Variants in SLC22A17 observed in about 807,000 individuals in gnomAD.
SLC22A17 encodes the protein 24p3 receptor.
Under a neutral mutation model 53.6 loss-of-function variants are expected in SLC22A17, and 38 were observed. The observed-to-expected ratio is 0.71, with a 90% CI of 0.55 to 0.93. The LOEUF (loss-of-function observed/expected upper bound fraction) is 0.93. Among genes scored for constraint, SLC22A17 ranks in the 40% least tolerant of loss-of-function variants. The probability of loss-of-function intolerance (pLI) is 0.00; values close to 1 mark genes in which losing one functional copy is unlikely to be tolerated. For synonymous variants in SLC22A17, 379 were observed against 353.0 expected (o/e 1.07, Z -0.82); for missense variants, 704 against 791.0 (o/e 0.89, Z 1.32).
chr14:23,351,751 C>A lies in SLC22A17; in HGVS notation c.704+1G>T. 1.2e-6 allele frequency: 2 copies of A among 1,612,380 alleles called. No homozygotes were observed. Among genetic ancestry groups the A allele is most frequent in the Non-Finnish European group, 1.7e-6 (2 of 1,179,370 alleles). ...AGCCCTGCCCCCACGACAGCCCTCA[C>A]CTGTCTGCGGGGTAACCCAGGAACA... On this transcript the variant is annotated splice_donor_variant, in intron 3 of 9. Coordinates refer to ENST00000397267, the Ensembl canonical transcript of SLC22A17. LOFTEE classifies it high-confidence loss of function.
chr14:23,347,457 C>T lies in SLC22A17; in HGVS notation c.1549+3G>A. The stretch of plus-strand genomic sequence containing the variant: ...AAGAAATGGCTGTGCCTGTCTGAAG[C>T]ACCTCTGTTGGGGTTCCCTTGTTGA... On this transcript the variant is annotated splice_donor_region_variant and intron_variant, in intron 8 of 9. Transcript: ENST00000397267. This position sits in a 1 kb window ranked among gnomAD's most constrained non-coding sequence, Gnocchi z 5.1. 1 of 1,612,344 alleles carries T rather than the reference C, an allele frequency of 6.2e-7. No homozygotes were observed. Among genetic ancestry groups the T allele is most frequent in the African/African-American group, 1.3e-5 (1 of 74,978 alleles).
rs1017856018 is a variant in SLC22A17, at chr14:23,348,895, G to A, written c.860-224C>T. 13 of 604,704 alleles carry A rather than the reference G, an allele frequency of 2.1e-5. No individual in the cohort carries two copies. Among genetic ancestry groups the A allele is most frequent in the South Asian group, 1.0e-4 (5 of 48,338 alleles). The allele number at this position is 604,704 out of a possible 1,614,324, so 37.5% of individuals were successfully genotyped here. The stretch of plus-strand genomic sequence containing the variant: ...AACCTAGGAGGGCTCTAGGGCCAGA[G>A]TCCTGGGTGAGTGTTCAACATTTCC... On this transcript the variant is annotated intron_variant, in intron 4 of 9. Coordinates refer to ENST00000397267, the Ensembl canonical transcript of SLC22A17. This position sits in a 1 kb window ranked among gnomAD's most constrained non-coding sequence, Gnocchi z 4.5.
exon 4 of SLC22A17, chr14:23,349,414 G>T (rs17090811): frequency 2.1e-5 from 34 of 1,612,278 alleles, no homozygotes; most frequent in Non-Finnish European, 2.9e-5. Context: ...GCACAATCCC[G>T]CGACGGCCAA....
At chr14:23,349,187 C>T in intron 4 of SLC22A17, 85 bp downstream of exon 4, 1 of 1,558,554 alleles carries the variant, frequency 6.4e-7, no homozygotes, top group Admixed American at 1.7e-5. Context: ...TGAAATGTGG[C>T]CTAGGGGGCA....
chr14:23,352,176 C>A lies in SLC22A17; in HGVS notation c.372G>T (p.Leu124=). Residue 124 remains leucine, a synonymous_variant, in exon 2 of 10, where the codon CTG becomes CTT. Coordinates refer to ENST00000397267, the Ensembl canonical transcript of SLC22A17. The surrounding 1 kb of genome is among the most constrained non-coding windows in gnomAD (Gnocchi z 7.2). Reference sequence around the variant, plus strand: ...GGGGGAAGGCCCCGTAGTGGCAATGCAGCGGGGGCGCCAGCGTGAAGATGG... The same window carrying A: ...GGGGGAAGGCCCCGTAGTGGCAATGAAGCGGGGGCGCCAGCGTGAAGATGG... The A allele has an allele frequency of 6.6e-7, 1 of 1,523,682 alleles. No homozygotes were observed. The highest frequency in any genetic ancestry group is 8.8e-7 in the Non-Finnish European group (1 of 1,139,976). The allele number at this position is 1,523,682 out of a possible 1,614,324, so 94.4% of individuals were successfully genotyped here.
intron 3 of SLC22A17, chr14:23,349,877 G>A (rs1237411301): frequency 5.7e-6 from 1 of 176,898 alleles, no homozygotes; most frequent in Non-Finnish European, 1.2e-5. Flanking sequence ...GTGGAGGGGA[G>A]GCCATTGGCC....
exon 10 of SLC22A17, chr14:23,346,419 G>C: frequency 2.0e-6 from 1 of 509,534 alleles, no homozygotes; most frequent in Non-Finnish European, 3.4e-6. Context: ...CCCAGACCCA[G>C]TGGTTACAGT....
chr14:23,349,739 G>C (rs1475892820), intron 3 of SLC22A17: 5 of 407,366 alleles, frequency 1.2e-5, no homozygotes, highest in African/African-American at 2.0e-5. Context: ...TTGCTTAGGG[G>C]ATTTGGGACC....
At chr14:23,350,619 T>C (rs1364439322) in intron 3 of SLC22A17, among the ~76,000 whole-genome samples, 1 of 152,180 alleles carries the variant, frequency 6.6e-6, no homozygotes, top group East Asian at 1.9e-4. Context: ...GGGGCACCAA[T>C]CCCTGGGAGT....
rs996121282 is a variant in SLC22A17 at position 23,352,049 on chromosome 14, C to G, written c.499G>C (p.Asp167His). The G allele has an allele frequency of 1.9e-6, 3 of 1,607,008 alleles. No individual in the cohort carries two copies. Among genetic ancestry groups the G allele is most frequent in the Non-Finnish European group, 2.5e-6 (3 of 1,177,102 alleles). ...GGGGCGAAGCCGCTGCACGAGGGGT[C>G]GGTACTGGTGGCGACACGGCTGGCG... Residue 167 changes from aspartate (D) to histidine (H), a missense_variant, in exon 2 of 10, where the codon GAC becomes CAC. Asp to His is a moderately conservative substitution (Grantham distance 81, BLOSUM62 -1). Around this residue, in one of 4 missense-constraint regions of SLC22A17, gnomAD observed 435 missense variants for 529.0 expected, o/e 0.82. Coordinates refer to ENST00000397267, the Ensembl canonical transcript of SLC22A17. This position sits in a 1 kb window ranked among gnomAD's most constrained non-coding sequence, Gnocchi z 7.2.
exon 10 of SLC22A17, chr14:23,346,648 T>A: frequency 6.7e-7 from 1 of 1,485,326 alleles, no homozygotes; most frequent in Non-Finnish European, 8.9e-7. Flanking sequence ...CAGAGGCCGC[T>A]CAGAGGGCAG....
exon 4 of SLC22A17, chr14:23,349,290 G>A: frequency 6.2e-7 from 1 of 1,614,032 alleles, no homozygotes; most frequent in Non-Finnish European, 8.5e-7. Flanking sequence ...TAGACACCCA[G>A]GTCAACACCG....
chr14:23,347,986 A>G lies in SLC22A17; in HGVS notation c.1182T>C (p.Asn394=). Residue 394 remains asparagine (N), a synonymous_variant, in exon 7 of 10, where the codon AAT becomes AAC. Coordinates refer to ENST00000397267, the Ensembl canonical transcript of SLC22A17. The surrounding 1 kb of genome is among the most constrained non-coding windows in gnomAD (Gnocchi z 5.1). Reference sequence around the variant, plus strand: ...AGGATGTTGCAGGGAGAGGGCAGGTATTCTCCAGGTCTTTGGGAGAGAGAG... The same window carrying G: ...AGGATGTTGCAGGGAGAGGGCAGGTGTTCTCCAGGTCTTTGGGAGAGAGAG... 6.2e-7 allele frequency: 1 copy of G among 1,614,058 alleles called. No homozygotes were observed. The highest frequency in any genetic ancestry group is 8.5e-7 in the Non-Finnish European group (1 of 1,179,936).
rs906227190 is a variant in SLC22A17, at chr14:23,352,317, G to A, written c.231C>T (p.Pro77=). Residue 77 remains proline (P), a synonymous_variant, in exon 2 of 10, where the codon CCC becomes CCT. Coordinates refer to ENST00000397267, the Ensembl canonical transcript of SLC22A17. The surrounding 1 kb of genome is among the most constrained non-coding windows in gnomAD (Gnocchi z 7.2). ...GGGCGAGCAGCGCCTCAAAGCTGAG[G>A]GGGCCTGGGGGCACGGCCAGCGACA... 16 of 1,296,156 alleles carry A rather than the reference G, an allele frequency of 1.2e-5. No homozygotes were observed. Among genetic ancestry groups the A allele is most frequent in the Non-Finnish European group, 1.6e-5 (16 of 995,806 alleles). The allele number at this position is 1,296,156 out of a possible 1,614,324, so 80.3% of individuals were successfully genotyped here. A position where few individuals can be genotyped will look rare whatever the true frequency, so the allele number is the denominator to read the frequency against.
In SLC22A17 at chr14:23,347,066, C is replaced by T. The variant is rs771707790; in HGVS notation, c.1661+35G>A. On this transcript the variant is annotated intron_variant, in intron 9 of 9. Coordinates refer to ENST00000397267, the Ensembl canonical transcript of SLC22A17. The surrounding 1 kb of genome is among the most constrained non-coding windows in gnomAD (Gnocchi z 5.1). ...GGTGGGGGAGCGGGAGGCGAGGGGG[C>T]CCGGCTCTGCCCCTGGGGGCACCCC... 11 of 1,579,928 alleles carry T rather than the reference C, an allele frequency of 7.0e-6. No individual in the cohort carries two copies. Among genetic ancestry groups the T allele is most frequent in the Non-Finnish European group, 6.0e-6 (7 of 1,162,398 alleles).
At position 23,352,120 on chromosome 14, in the gene SLC22A17, T is replaced by A; in HGVS notation, c.428A>T (p.Asn143Ile). The A allele has an allele frequency of 6.3e-7, 1 of 1,581,148 alleles. No homozygotes were observed. Among genetic ancestry groups the A allele is most frequent in the South Asian group, 1.2e-5 (1 of 86,820 alleles). Residue 143 changes from asparagine (N) to isoleucine (I), a missense_variant, in exon 2 of 10, where the codon AAT becomes ATT. Asn to Ile is a moderately radical substitution (Grantham distance 149). Transcript: ENST00000397267. The surrounding 1 kb of genome is among the most constrained non-coding windows in gnomAD (Gnocchi z 7.2). The stretch of plus-strand genomic sequence containing the variant: ...GCTGGCGACGCTGACGCCGCTGGCA[T>A]TGGGAGGCTGCTCCCAGCCAGAGGC...
chr14:23,351,589 T>C (rs558625488), intron 3 of SLC22A17, 163 bp downstream of exon 3: 7 of 606,644 alleles, frequency 1.2e-5, no homozygotes, highest in East Asian at 9.1e-5. Flanking sequence ...TATTTCTTGA[T>C]GGAGAGTGAA....
In SLC22A17 at chr14:23,347,563, G is replaced by C; in HGVS notation, c.1446C>G (p.Ser482=). Residue 482 remains serine (S), a synonymous_variant, in exon 8 of 10, where the codon TCC becomes TCG. Coordinates refer to ENST00000397267, the Ensembl canonical transcript of SLC22A17. This position sits in a 1 kb window ranked among gnomAD's most constrained non-coding sequence, Gnocchi z 5.1. ...GGGAAGCAATGCCGGTAAGGGTCAT[G>C]GAGAGAAGAAGGATGCCCCGGCGGC... The C allele has an allele frequency of 1.2e-6, 2 of 1,614,072 alleles. No homozygotes were observed. Among genetic ancestry groups the C allele is most frequent in the Non-Finnish European group, 1.7e-6 (2 of 1,179,988 alleles).
Position 23,352,399 on chromosome 14 carries a change from C to G in SLC22A17, c.149G>C (p.Arg50Pro). 1.7e-6 allele frequency: 1 copy of G among 587,048 alleles called. No homozygotes were observed. 36.4% of individuals were successfully genotyped at this position (587,048 alleles called of 1,614,324 possible). ...TCCCTCCCCCTCCCGCTCGCGCTCC[C>G]GCTCACCCTGCAGCTGCTCCGTGGG... The change falls in exon 2 of 10, where the codon CGG (arginine) becomes CCG (proline). Residue 50 changes from arginine to proline, a missense_variant. By Grantham distance (103) the Arg-to-Pro change is moderately radical (BLOSUM62 -2). Transcript: ENST00000397267. The surrounding 1 kb of genome is among the most constrained non-coding windows in gnomAD (Gnocchi z 7.2).
Sources: gnomAD v4.1 joint callset for allele counts (sites outside exome capture counted in the v4.1 genomes callset) on GRCh38, gnomAD v4.1.1 for gene constraint, gnomAD v4.1.1 regional missense constraint, Gnocchi (gnomAD v3.1) non-coding constraint, MANE v1.5 for transcripts, NCBI Gene and HGNC (gene_info 2026-07-23, HGNC 2026-07-21) for gene names.